GRB10: variants seen among roughly 807,000 people sequenced by gnomAD.
GRB10 encodes the protein growth factor receptor-bound protein 10.
In GRB10, 20 loss-of-function variants were observed where a neutral mutation model predicts 80.9. The observed-to-expected ratio is 0.25, with a 90% CI of 0.17 to 0.36. The LOEUF (loss-of-function observed/expected upper bound fraction) is 0.36, where lower values mean the gene tolerates loss of function less well. Among genes scored for constraint, GRB10 ranks in the 10% least tolerant of loss-of-function variants. The probability of loss-of-function intolerance (pLI) is 1.00; values close to 1 mark genes in which losing one functional copy is unlikely to be tolerated. For synonymous variants in GRB10, 291 were observed against 291.5 expected (o/e 1.00, Z 0.02); for missense variants, 548 against 747.7 (o/e 0.73, Z 3.12).
At chr7:50,755,665 T>C (rs1056135628) in intron 3 of GRB10, among the ~76,000 whole-genome samples, 4 of 152,096 alleles carry the variant, frequency 2.6e-5, no homozygotes, top group African/African-American at 9.6e-5. Context: ...CTCCCATCCC[T>C]ACCCGACTCA....
intron 5 of GRB10, 69 bp from the exon 6 acceptor site, chr7:50,674,727 T>A (rs1356790224): frequency 1.5e-5 from 20 of 1,316,424 alleles, no homozygotes; most frequent in Non-Finnish European, 2.1e-5. Flanking sequence ...CAAATGTACA[T>A]CTTGGTGATC....
At chr7:50,757,784 C>T (rs1251374071) in intron 2 of GRB10, among the ~76,000 whole-genome samples, 2 of 152,216 alleles carry the variant, frequency 1.3e-5, no homozygotes, top group Non-Finnish European at 2.9e-5. Flanking sequence ...CGAATCACTG[C>T]TAATTCTCAT....
At chr7:50,595,356 C>T (rs2046442367) in intron 18 of GRB10, 81 bp downstream of exon 18, 4 of 814,156 alleles carry the variant, frequency 4.9e-6, no homozygotes, top group East Asian at 4.9e-5. Flanking sequence ...CCGGTCTTGT[C>T]GGTTTATAAC....
At chr7:50,626,263 G>A (rs966972110) in intron 8 of GRB10, among the ~76,000 whole-genome samples, 2 of 152,208 alleles carry the variant, frequency 1.3e-5, no homozygotes, top group East Asian at 3.8e-4. Context: ...CATGAACACT[G>A]TTCAAAGCCT....
At chr7:50,663,372 G>T (rs571764026) in intron 7 of GRB10, among the ~76,000 whole-genome samples, 4 of 152,282 alleles carry the variant, frequency 2.6e-5, no homozygotes. Flanking sequence ...GTAGGAAATA[G>T]CCACAAGTGC....
At chr7:50,791,512 G>C (rs1325245988) in intron 1 of GRB10, among the ~76,000 whole-genome samples, 1 of 152,192 alleles carries the variant, frequency 6.6e-6, no homozygotes, top group African/African-American at 2.4e-5. Context: ...TATGACCTCG[G>C]GCATGCCAAT....
Position 50,592,460 on chromosome 7 carries a change from C to T in GRB10, c.*492G>A, listed in dbSNP as rs1271734475. On this transcript the variant is annotated 3_prime_UTR_variant, in exon 19 of 19. Transcript: ENST00000401949. ...GGACCCATATTCAGTTTGAAATCTG[C>T]CCATTCAAAACTCTTTCTGTATTAT... 1 of 178,056 alleles carries T rather than the reference C, an allele frequency of 5.6e-6. No individual in the cohort carries two copies. Among genetic ancestry groups the T allele is most frequent in the Non-Finnish European group, 1.2e-5 (1 of 82,982 alleles). The allele number at this position is 178,056 out of a possible 1,614,324, so 11.0% of individuals were successfully genotyped here.
At chr7:50,665,159 C>T (rs535755319) in intron 7 of GRB10, among the ~76,000 whole-genome samples, 16 of 152,304 alleles carry the variant, frequency 1.1e-4, no homozygotes, top group East Asian at 7.7e-4. Context: ...CCATACATCA[C>T]GGTTCCTCTA....
At chr7:50,724,081 T>G (rs2068194743) in intron 4 of GRB10, among the ~76,000 whole-genome samples, 1 of 152,198 alleles carries the variant, frequency 6.6e-6, no homozygotes, top group South Asian at 2.1e-4. Context: ...GGCAGTGGAC[T>G]CGCACGTTCC....
At chr7:50,598,156 AC>A (rs1179965064) in intron 17 of GRB10, among the ~76,000 whole-genome samples, 1 of 152,188 alleles carries the variant, frequency 6.6e-6, no homozygotes, top group African/African-American at 2.4e-5. Context: ...GAGCTACTGC[AC>A]CCAGCCAGAA....
At chr7:50,636,618 T>TA (rs55813901) in intron 7 of GRB10, among the ~76,000 whole-genome samples, 80,032 of 151,734 alleles carry the variant, frequency 0.53, 21,228 homozygotes, top group Admixed American at 0.54. Flanking sequence ...TCAACAGAAC[T>TA]AAAACAAAAA....
chr7:50,728,734 G>A lies in GRB10; in HGVS notation c.51+3538C>T, dbSNP rs568646423. Among the ~76,000 whole-genome samples, 7 of 152,232 alleles carry A rather than the reference G, an allele frequency of 4.6e-5. No homozygotes were observed. In the East Asian group the frequency reaches 5.8e-4, roughly 13 times the overall value. ...CGCCCAGGCTGGAATGCAGTGGCAC[G>A]ATCTTGGCTCACTGCAACCTCCACC... On this transcript the variant is annotated intron_variant, in intron 4 of 18. Transcript: ENST00000401949.
chr7:50,721,840 C>T (rs952654065), intron 4 of GRB10, among the ~76,000 whole-genome samples: 1 of 152,202 alleles, frequency 6.6e-6, no homozygotes, highest in Non-Finnish European at 1.5e-5. Context: ...TGCAGGAATG[C>T]AAGAGAAGGC....
chr7:50,656,206 G>A (rs988720110), intron 7 of GRB10, among the ~76,000 whole-genome samples: 22 of 152,318 alleles, frequency 1.4e-4, no homozygotes, highest in Admixed American at 9.8e-4. Flanking sequence ...CGGGCTGAGC[G>A]CAGAGTGTGA....
chr7:50,773,809 G>A (rs2077281591), intron 2 of GRB10, among the ~76,000 whole-genome samples: 1 of 152,162 alleles, frequency 6.6e-6, no homozygotes, highest in Non-Finnish European at 1.5e-5. Context: ...ATCAACAGTT[G>A]AATAAACAAA....
intron 3 of GRB10, among the ~76,000 whole-genome samples, chr7:50,750,697 GAA>G: frequency 6.6e-6 from 1 of 152,286 alleles, no homozygotes; most frequent in South Asian, 2.1e-4. Context: ...GTCAATACCA[GAA>G]GAGACAAGTT....
intron 2 of GRB10, among the ~76,000 whole-genome samples, chr7:50,770,653 T>C (rs1165403241): frequency 2.0e-5 from 3 of 152,268 alleles, no homozygotes; most frequent in South Asian, 2.1e-4. Context: ...AGAGGCCAAA[T>C]AGCATAAGAC....
At chr7:50,729,199 T>C (rs2069196561) in intron 4 of GRB10, 2 of 152,218 alleles carry the variant, frequency 1.3e-5, no homozygotes, top group African/African-American at 2.4e-5. Context: ...GTTTCTAAGA[T>C]GGCTCATTTC....
intron 7 of GRB10, among the ~76,000 whole-genome samples, chr7:50,633,986 A>T (rs1164170608): frequency 6.6e-6 from 1 of 152,232 alleles, no homozygotes; most frequent in Non-Finnish European, 1.5e-5. Flanking sequence ...ATTCAGGAAA[A>T]TTTCCCCAAA....
Sources: allele counts gnomAD v4.1 joint callset (sites outside exome capture counted in the v4.1 genomes callset), GRCh38; gene constraint gnomAD v4.1.1; transcripts MANE v1.5; gene names NCBI Gene and HGNC (gene_info 2026-07-23, HGNC 2026-07-21).